The following CLASP2 variants were observed in gnomAD, a reference collection of about 807,000 sequenced individuals.
CLASP2 encodes CLIP-associating protein 2.
In CLASP2, 47 loss-of-function variants were observed where a neutral mutation model predicts 194.4. That is an observed-to-expected ratio of 0.24 (90% CI 0.19 to 0.31). The LOEUF (loss-of-function observed/expected upper bound fraction) is 0.31. Among genes scored for constraint, CLASP2 ranks in the 10% least tolerant of loss-of-function variants. The pLI is 1.00. For synonymous variants in CLASP2, 619 were observed against 633.5 expected, an observed-to-expected ratio of 0.98 and a Z score of 0.34; for missense variants, 1,445 against 1,823.6, an observed-to-expected ratio of 0.79 and a Z score of 3.78.
intron 7 of CLASP2, among the ~76,000 whole-genome samples, chr3:33,653,046 T>C (rs2083479977): frequency 6.6e-6 from 1 of 152,192 alleles, no homozygotes; most frequent in Admixed American, 6.5e-5. Flanking sequence ...GTAGACAATA[T>C]AATCCTCTAA....
intron 27 of CLASP2, 37 bp from the exon 28 acceptor site, chr3:33,561,008 A>G: frequency 6.3e-7 from 1 of 1,581,648 alleles, no homozygotes; most frequent in Non-Finnish European, 8.7e-7. Context: ...GGAGAAAAAA[A>G]GAGGAAATAT....
At chr3:33,508,737 G>A (rs995389932) in intron 37 of CLASP2, among the ~76,000 whole-genome samples, 1 of 152,210 alleles carries the variant, frequency 6.6e-6, no homozygotes, top group Non-Finnish European at 1.5e-5. Flanking sequence ...AGGATAGGTA[G>A]TCTATGAGCT....
rs537408328 is a variant in CLASP2 at position 33,586,371 on chromosome 3, G to C, written c.2069-1451C>G. ...GCTGGTCTCGAACTCCTGACCTTGTGATCTGCCTGCCTCGGCCTACCAAAG... is the reference window on the plus strand; with the variant it reads ...GCTGGTCTCGAACTCCTGACCTTGTCATCTGCCTGCCTCGGCCTACCAAAG... On this transcript the variant is annotated intron_variant, in intron 21 of 38. Transcript: ENST00000682230. 3.9e-5 allele frequency among the ~76,000 whole-genome samples: 6 copies of C among 152,208 alleles called. No individual in the cohort carries two copies. In the East Asian group the frequency reaches 1.2e-3, roughly 29 times the overall value.
intron 23 of CLASP2, among the ~76,000 whole-genome samples, chr3:33,581,213 A>C (rs939641683): frequency 6.6e-6 from 1 of 152,168 alleles, no homozygotes; most frequent in Non-Finnish European, 1.5e-5. Context: ...AAATCATTTA[A>C]TATTTTTATA....
chr3:33,621,661 G>A (rs1326356023), intron 11 of CLASP2, among the ~76,000 whole-genome samples: 1 of 152,096 alleles, frequency 6.6e-6, no homozygotes, highest in Non-Finnish European at 1.5e-5. Context: ...CAACAACACT[G>A]CTTAGGTCAG....
intron 6 of CLASP2, among the ~76,000 whole-genome samples, chr3:33,669,046 G>A (rs1289991655): frequency 6.6e-6 from 1 of 152,142 alleles, no homozygotes; most frequent in East Asian, 1.9e-4. Flanking sequence ...CCTCTAACAA[G>A]TAACATTACT....
At chr3:33,543,331 C>A (rs763305853) in intron 32 of CLASP2, 102 bp downstream of exon 32, 18 of 763,158 alleles carry the variant, frequency 2.4e-5, no homozygotes, top group Non-Finnish European at 3.4e-5. Flanking sequence ...TGAGATCACA[C>A]CACCACACTC....
intron 7 of CLASP2, among the ~76,000 whole-genome samples, chr3:33,647,325 C>A (rs976807924): frequency 6.6e-6 from 1 of 152,102 alleles, no homozygotes; most frequent in African/African-American, 2.4e-5. Flanking sequence ...GGCCCCTATA[C>A]CAGCAGCTGA....
intron 7 of CLASP2, among the ~76,000 whole-genome samples, chr3:33,661,650 T>C (rs1337312647): frequency 2.6e-5 from 4 of 152,168 alleles, no homozygotes; most frequent in Non-Finnish European, 4.4e-5. Flanking sequence ...TTTTTGGACA[T>C]AGGAAGCTTG....
chr3:33,660,815 C>T (rs985891980), intron 7 of CLASP2, among the ~76,000 whole-genome samples: 2 of 152,148 alleles, frequency 1.3e-5, no homozygotes, highest in Non-Finnish European at 2.9e-5. Context: ...TTACTCTGTC[C>T]TAAAATGTTT....
intron 20 of CLASP2, among the ~76,000 whole-genome samples, chr3:33,593,775 G>A (rs1348764105): frequency 6.6e-6 from 1 of 152,216 alleles, no homozygotes; most frequent in Admixed American, 6.5e-5. Context: ...ACAAAGAAAT[G>A]AGAGTATGTT....
intron 34 of CLASP2, among the ~76,000 whole-genome samples, chr3:33,531,858 A>G (rs1175045118): frequency 6.6e-6 from 1 of 152,208 alleles, no homozygotes; most frequent in African/African-American, 2.4e-5. Flanking sequence ...AAACAACAAC[A>G]GCAACAATGA....
chr3:33,688,806 T>C (rs1282195801), intron 3 of CLASP2, among the ~76,000 whole-genome samples: 1 of 152,150 alleles, frequency 6.6e-6, no homozygotes, highest in Non-Finnish European at 1.5e-5. Flanking sequence ...GGACATTTTA[T>C]AATTCAGACT....
chr3:33,690,696 T>C lies in CLASP2; in HGVS notation c.275-764A>G, dbSNP rs962057984. ...AAATAAACAACTCATAAGTTTTAAA[T>C]TGTGCACCATTCTGAGTAGCATGAT... On this transcript the variant is annotated intron_variant, in intron 2 of 38. Transcript: ENST00000682230. 2.0e-5 allele frequency among the ~76,000 whole-genome samples: 3 copies of C among 152,298 alleles called. No homozygotes were observed. The East Asian group carries it at 5.8e-4, about 29-fold the overall frequency.
intron 7 of CLASP2, among the ~76,000 whole-genome samples, chr3:33,649,821 T>A (rs930818968): frequency 1.3e-5 from 2 of 150,990 alleles, no homozygotes; most frequent in Non-Finnish European, 3.0e-5. Flanking sequence ...GAGAAGTGAA[T>A]CAAATAGAGT....
At chr3:33,677,011 C>T (rs1178334320) in intron 6 of CLASP2, among the ~76,000 whole-genome samples, 1 of 152,176 alleles carries the variant, frequency 6.6e-6, no homozygotes, top group African/African-American at 2.4e-5. Flanking sequence ...GAGATATCAT[C>T]TCACACCAGT....
intron 33 of CLASP2, among the ~76,000 whole-genome samples, chr3:33,536,823 T>A (rs2057426050): frequency 6.6e-6 from 1 of 152,086 alleles, no homozygotes; most frequent in African/African-American, 2.4e-5. Flanking sequence ...CCTGACAGAT[T>A]TGGTATGGAG....
At chr3:33,525,858 G>A (rs1240165351) in intron 34 of CLASP2, among the ~76,000 whole-genome samples, 1 of 152,154 alleles carries the variant, frequency 6.6e-6, no homozygotes, top group African/African-American at 2.4e-5. Context: ...CACAAGATAA[G>A]ACCCACTGGC....
In CLASP2 at chr3:33,515,942, AT is replaced by A. The variant is rs139881341; in HGVS notation, c.4110+80del. On this transcript the variant is annotated intron_variant, in intron 36 of 38. Transcript: ENST00000682230. Reference sequence around the variant, plus strand: ...AGGCAAATGTTCAAGAAAATCATTAATAAGGCTACATTTTACACAATGGTTA... The same window carrying A: ...AGGCAAATGTTCAAGAAAATCATTAAAAGGCTACATTTTACACAATGGTTA... The A allele has an allele frequency of 9.1e-3, 12,481 of 1,365,532 alleles. 94 individuals carry two copies. Among genetic ancestry groups the A allele is most frequent in the Middle Eastern group, 0.037 (173 of 4,732 alleles). The allele number at this position is 1,365,532 out of a possible 1,614,324, so 84.6% of individuals were successfully genotyped here.
Sources: gnomAD v4.1 joint callset for allele counts (sites outside exome capture counted in the v4.1 genomes callset) on GRCh38, gnomAD v4.1.1 for gene constraint, MANE v1.5 for transcripts, NCBI Gene and HGNC (gene_info 2026-07-23, HGNC 2026-07-21) for gene names.